The following GLIS3 variants were observed in gnomAD, a reference collection of about 807,000 sequenced individuals.
GLIS3 encodes the protein zinc finger protein GLIS3.
A neutral mutation model predicts 78.6 loss-of-function variants in GLIS3; 53 were observed. The observed-to-expected ratio is 0.67, with a 90% CI of 0.54 to 0.85. The LOEUF (loss-of-function observed/expected upper bound fraction) is 0.85, where lower values mean the gene tolerates loss of function less well. GLIS3 is among the 40% of genes least tolerant of loss of function. GLIS3 has a pLI of 0.00. For missense variants in GLIS3, 1,703 were observed against 1,231.1 expected, an observed-to-expected ratio of 1.38 and a Z score of -5.74; for synonymous variants, 684 against 509.9, an observed-to-expected ratio of 1.34 and a Z score of -4.60.
rs572904013 is a variant in GLIS3, at chr9:3,924,806, C to T, written c.1983+7554G>A. The stretch of plus-strand genomic sequence containing the variant: ...ATTTTAGGACACTATATTTAGGTAG[C>T]AGAGAGCCTGAGCTAAACACTTTTA... On this transcript the variant is annotated intron_variant, in intron 6 of 10. Coordinates refer to ENST00000381971, the MANE Select transcript of GLIS3 (RefSeq NM_001042413.2). 3.3e-5 allele frequency among the ~76,000 whole-genome samples: 5 copies of T among 152,304 alleles called. 1 individual carries two copies. In the South Asian group the frequency reaches 1.0e-3, roughly 32 times the overall value.
At chr9:4,017,303 C>G (rs892496428) in intron 4 of GLIS3, among the ~76,000 whole-genome samples, 1 of 152,180 alleles carries the variant, frequency 6.6e-6, no homozygotes, top group African/African-American at 2.4e-5. Context: ...CTAGTCTATA[C>G]TCTGCAGCAG....
chr9:4,069,629 T>C (rs993345640), intron 4 of GLIS3, among the ~76,000 whole-genome samples: 1 of 152,120 alleles, frequency 6.6e-6, no homozygotes, highest in African/African-American at 2.4e-5. Flanking sequence ...ACTGCATGCC[T>C]ACCTTCAGAT....
the GLIS3 span, among the ~76,000 whole-genome samples, chr9:4,432,143 C>T: frequency 6.6e-5 from 10 of 152,270 alleles, no homozygotes; most frequent in East Asian, 1.7e-3. Flanking sequence ...GAAATGCATG[C>T]CTATCCCCAT....
At chr9:4,002,980 G>A (rs145335966) in intron 4 of GLIS3, among the ~76,000 whole-genome samples, 2 of 152,318 alleles carry the variant, frequency 1.3e-5, no homozygotes, top group East Asian at 3.9e-4. Flanking sequence ...CATACTTCTG[G>A]AAACATCCGG....
the GLIS3 span, among the ~76,000 whole-genome samples, chr9:4,364,153 G>C: frequency 4.6e-5 from 7 of 152,302 alleles, no homozygotes; most frequent in East Asian, 1.3e-3. Flanking sequence ...CATTCTAAAA[G>C]TGGAAATACT....
At chr9:4,048,999 T>A (rs138466977) in intron 4 of GLIS3, among the ~76,000 whole-genome samples, 1 of 152,306 alleles carries the variant, frequency 6.6e-6, no homozygotes, top group African/African-American at 2.4e-5. Flanking sequence ...CAGACCTCAA[T>A]CTGGACTGAA....
chr9:4,314,342 C>G (rs1199691275), intron 2 of GLIS3, among the ~76,000 whole-genome samples: 3 of 152,214 alleles, frequency 2.0e-5, no homozygotes, highest in African/African-American at 7.2e-5. Context: ...CACTGTGTAG[C>G]TACCTGCCAC....
intron 2 of GLIS3, among the ~76,000 whole-genome samples, chr9:4,328,278 C>T (rs981713723): frequency 1.3e-5 from 2 of 152,168 alleles, no homozygotes; most frequent in South Asian, 2.1e-4. Context: ...TAGCTTGGAT[C>T]ATGCTGTGGC....
chr9:4,170,023 G>A (rs866653264), intron 2 of GLIS3, among the ~76,000 whole-genome samples: 4 of 152,084 alleles, frequency 2.6e-5, no homozygotes, highest in South Asian at 2.1e-4. Flanking sequence ...GGCCCAAACC[G>A]TCTCTGATTC....
chr9:4,259,775 A>G (rs1043241576), intron 2 of GLIS3, among the ~76,000 whole-genome samples: 4 of 152,220 alleles, frequency 2.6e-5, no homozygotes, highest in Non-Finnish European at 4.4e-5. Flanking sequence ...ATGTGAGCTA[A>G]GAAAATGTAT....
At chr9:4,310,221 G>C (rs1817327478) in intron 3 of GLIS3, among the ~76,000 whole-genome samples, 1 of 152,200 alleles carries the variant, frequency 6.6e-6, no homozygotes, top group Non-Finnish European at 1.5e-5. Context: ...GCAAGGGGTA[G>C]ATGGGCCTTT....
chr9:4,364,678 TTTTA>T, the GLIS3 span, among the ~76,000 whole-genome samples: 1 of 147,396 alleles, frequency 6.8e-6, no homozygotes, highest in Non-Finnish European at 1.5e-5. Context: ...ATGCTTATCT[TTTTA>T]TTTTCTTCTT....
At position 4,344,362 on chromosome 9, in the gene GLIS3, T is replaced by C. The variant is rs182390486; in HGVS notation, n.264+2719A>G. 3.3e-5 allele frequency among the ~76,000 whole-genome samples: 5 copies of C among 152,344 alleles called. No individual in the cohort carries two copies. The East Asian group carries it at 5.8e-4, about 18-fold the overall frequency. On this transcript the variant is annotated intron_variant and non_coding_transcript_variant, in intron 2 of 4. Coordinates refer to the GLIS3 transcript ENST00000471664. ...ATCCTATTTCACCTGCATTTGGCAT[T>C]TGGCAATTCATCAGCAGCATTTGGC...
At chr9:4,331,776 G>T (rs552151431) in intron 2 of GLIS3, among the ~76,000 whole-genome samples, 1 of 152,324 alleles carries the variant, frequency 6.6e-6, no homozygotes, top group Non-Finnish European at 1.5e-5. Context: ...GGATGAGCAG[G>T]AAATAACCAG....
At chr9:4,422,452 T>A in the GLIS3 span, among the ~76,000 whole-genome samples, 1 of 152,214 alleles carries the variant, frequency 6.6e-6, no homozygotes, top group Non-Finnish European at 1.5e-5. Flanking sequence ...AGACATGGTT[T>A]CCCCAGGATT....
chr9:4,296,701 A>C (rs1816538228), intron 1 of GLIS3, among the ~76,000 whole-genome samples: 2 of 152,162 alleles, frequency 1.3e-5, no homozygotes, highest in African/African-American at 4.8e-5. Flanking sequence ...AGGATTACTG[A>C]GTCTTCTGGG....
intron 2 of GLIS3, among the ~76,000 whole-genome samples, chr9:4,341,948 A>T (rs7025367): frequency 0.025 from 3,816 of 152,066 alleles, 162 homozygotes; most frequent in African/African-American, 0.084. Context: ...ATGGGGATGT[A>T]TGTTTTTGCT....
chr9:4,105,092 A>C (rs1490189843), intron 4 of GLIS3, among the ~76,000 whole-genome samples: 1 of 152,218 alleles, frequency 6.6e-6, no homozygotes, highest in Non-Finnish European at 1.5e-5. Flanking sequence ...TTATGTTAAT[A>C]ACCTTAGAAT....
chr9:4,236,607 C>G (rs1287806951), intron 2 of GLIS3, among the ~76,000 whole-genome samples: 2 of 152,168 alleles, frequency 1.3e-5, no homozygotes, highest in African/African-American at 4.8e-5. Context: ...GCACAGCAGT[C>G]TAATTTCCAC....
Sources: allele counts gnomAD v4.1 joint callset (sites outside exome capture counted in the v4.1 genomes callset), GRCh38; gene constraint gnomAD v4.1.1; transcripts MANE v1.5; gene names NCBI Gene and HGNC (gene_info 2026-07-23, HGNC 2026-07-21).